The following NEK11 variants were observed in gnomAD, a reference collection of about 807,000 sequenced individuals.
NEK11 encodes the protein NIMA related kinase 11.
NEK11 carries 72 observed loss-of-function variants against 80.7 expected under a neutral mutation model. The observed-to-expected ratio is 0.89, with a 90% CI of 0.74 to 1.08. The LOEUF (loss-of-function observed/expected upper bound fraction) is 1.08, where lower values mean the gene tolerates loss of function less well. Among genes scored for constraint, NEK11 ranks in the 50% least tolerant of loss-of-function variants. The pLI, the probability that NEK11 is intolerant of heterozygous loss-of-function variation, is 0.00. For missense variants in NEK11, 764 were observed against 763.6 expected (o/e 1.00, Z -0.01); for synonymous variants, 251 against 260.7 (o/e 0.96, Z 0.36).
intron 5 of NEK11, among the ~76,000 whole-genome samples, chr3:131,119,844 C>T (rs997465759): frequency 6.6e-6 from 1 of 152,136 alleles, no homozygotes; most frequent in Non-Finnish European, 1.5e-5. Context: ...GATCTTCCTC[C>T]ATCCCTTTAT....
chr3:131,168,758 C>A, intron 12 of NEK11, 72 bp from the exon 13 acceptor site: 3 of 1,048,868 alleles, frequency 2.9e-6, no homozygotes, highest in Non-Finnish European at 4.2e-6. Context: ...CTCCTGAAAG[C>A]AGCACTTCAC....
chr3:131,072,866 G>A lies in NEK11; in HGVS notation c.171-7557G>A, dbSNP rs118017212. ...GGGAAATGGCTGTCATGTTGTGAGG[G>A]CACAAATGCACAAGCTTTTTTAACA... On this transcript the variant is annotated intron_variant, in intron 3 of 17. Coordinates refer to ENST00000383366, the MANE Select transcript of NEK11 (RefSeq NM_024800.5). Among the ~76,000 whole-genome samples the A allele has an allele frequency of 9.6e-3, 1,458 of 152,280 alleles. 27 individuals are homozygous for A. The highest frequency in any genetic ancestry group is 0.061 in the South Asian group (292 of 4,824).
intron 17 of NEK11, among the ~76,000 whole-genome samples, chr3:131,345,379 A>G (rs557578742): frequency 6.6e-6 from 1 of 152,362 alleles, no homozygotes; most frequent in East Asian, 1.9e-4. Context: ...TAAAATGGCC[A>G]GAGGATCTGA....
chr3:131,337,515 A>G, intron 17 of NEK11, among the ~76,000 whole-genome samples: 1 of 152,036 alleles, frequency 6.6e-6, no homozygotes, highest in East Asian at 1.9e-4. Flanking sequence ...ACCTAATGCT[A>G]AATGACGAGT....
intron 14 of NEK11, among the ~76,000 whole-genome samples, chr3:131,193,708 G>T (rs1397082533): frequency 6.6e-6 from 1 of 152,080 alleles, no homozygotes; most frequent in African/African-American, 2.4e-5. Flanking sequence ...TGCTTTAATA[G>T]ATATCATTTT....
chr3:131,233,924 G>C (rs1467775919), intron 15 of NEK11, among the ~76,000 whole-genome samples: 2 of 152,220 alleles, frequency 1.3e-5, no homozygotes, highest in East Asian at 1.9e-4. Context: ...AGGAAATTAA[G>C]TTACATCTCC....
rs145319464 is a variant in NEK11 at position 131,176,789 on chromosome 3, C to T, written c.1399+5902C>T. On this transcript the variant is annotated intron_variant, in intron 14 of 17. Coordinates refer to ENST00000383366, the MANE Select transcript of NEK11 (RefSeq NM_024800.5). ...TATTCATGGGGAAAACCAGCACCCA[C>T]GGACATCTCAAAATAAGTAAACCGC... Among the ~76,000 whole-genome samples the T allele has an allele frequency of 5.1e-3, 780 of 152,172 alleles. 11 individuals are homozygous for T. Among genetic ancestry groups the T allele is most frequent in the African/African-American group, 0.017 (694 of 41,482 alleles).
At chr3:131,142,267 T>C (rs1206656171) in intron 7 of NEK11, among the ~76,000 whole-genome samples, 1 of 152,218 alleles carries the variant, frequency 6.6e-6, no homozygotes, top group Non-Finnish European at 1.5e-5. Context: ...GGAAAAAGAA[T>C]ATTCGCAAAG....
chr3:131,304,630 G>A (rs1423265456), intron 17 of NEK11, among the ~76,000 whole-genome samples: 1 of 152,094 alleles, frequency 6.6e-6, no homozygotes, highest in East Asian at 1.9e-4. Flanking sequence ...GTGGTTTCAG[G>A]CATCTGGCTT....
chr3:131,032,554 G>C (rs1466352606), intron 3 of NEK11, among the ~76,000 whole-genome samples: 1 of 152,194 alleles, frequency 6.6e-6, no homozygotes, highest in African/African-American at 2.4e-5. Flanking sequence ...AAGTATGAAT[G>C]TGACTACTCA....
chr3:131,339,809 A>C (rs1258402180), intron 17 of NEK11, among the ~76,000 whole-genome samples: 1 of 152,186 alleles, frequency 6.6e-6, no homozygotes, highest in Non-Finnish European at 1.5e-5. Context: ...GTTTTTACCC[A>C]AGAGCAGTAA....
At chr3:131,313,526 A>T (rs1225004230) in intron 17 of NEK11, among the ~76,000 whole-genome samples, 1 of 152,142 alleles carries the variant, frequency 6.6e-6, no homozygotes, top group African/African-American at 2.4e-5. Flanking sequence ...CTGGTGTGAG[A>T]TGCTATCTCA....
intron 16 of NEK11, among the ~76,000 whole-genome samples, chr3:131,255,050 G>GAGAGAGACAGAC (rs1222083767): frequency 2.4e-4 from 32 of 132,734 alleles, no homozygotes; most frequent in African/African-American, 7.8e-4. Context: ...GAGAGAGAGA[G>GAGAGAGACAGAC]AGACAGACAG....
intron 14 of NEK11, 108 bp from the exon 15 acceptor site, chr3:131,228,420 G>A: frequency 1.1e-6 from 1 of 923,890 alleles, no homozygotes; most frequent in East Asian, 2.5e-5. Context: ...CTCCATGGAA[G>A]CTTTGTCAAC....
At position 131,118,273 on chromosome 3, in the gene NEK11, C is replaced by T. The variant is rs535241833; in HGVS notation, c.455+8352C>T. Among the ~76,000 whole-genome samples the T allele has an allele frequency of 1.8e-4, 28 of 152,184 alleles. No individual in the cohort carries two copies. In the East Asian group the frequency reaches 4.4e-3, roughly 24 times the overall value. On this transcript the variant is annotated intron_variant, in intron 5 of 17. Coordinates refer to ENST00000383366, the MANE Select transcript of NEK11 (RefSeq NM_024800.5). Reference sequence around the variant, plus strand: ...TTGGTTCTGTTTATATGATGGATTACGTTTATTGATTTGCATATGTTGAAC... The same window carrying T: ...TTGGTTCTGTTTATATGATGGATTATGTTTATTGATTTGCATATGTTGAAC...
intron 10 of NEK11, among the ~76,000 whole-genome samples, chr3:131,159,010 C>T (rs186820079): frequency 2.6e-5 from 4 of 152,298 alleles, no homozygotes; most frequent in Admixed American, 2.6e-4. Flanking sequence ...GCACACAGCC[C>T]AGGAGCTGGG....
chr3:131,332,014 G>C (rs1263376160), intron 17 of NEK11, among the ~76,000 whole-genome samples: 4 of 152,226 alleles, frequency 2.6e-5, no homozygotes, highest in Admixed American at 2.6e-4. Flanking sequence ...GCCTGCCTCT[G>C]TAGGCTCCAC....
intron 14 of NEK11, among the ~76,000 whole-genome samples, chr3:131,211,869 C>T (rs1445570370): frequency 6.6e-6 from 1 of 152,156 alleles, no homozygotes; most frequent in African/African-American, 2.4e-5. Context: ...ATCCATTCTT[C>T]TAATCTTTTT....
chr3:131,031,488 A>T (rs2064840303), intron 3 of NEK11, among the ~76,000 whole-genome samples: 1 of 152,236 alleles, frequency 6.6e-6, no homozygotes, highest in East Asian at 1.9e-4. Flanking sequence ...TTCTTCAACT[A>T]ATGAGGAATA....
Sources: gnomAD v4.1 joint callset for allele counts (sites outside exome capture counted in the v4.1 genomes callset) on GRCh38, gnomAD v4.1.1 for gene constraint, MANE v1.5 for transcripts, NCBI Gene and HGNC (gene_info 2026-07-23, HGNC 2026-07-21) for gene names.